CPLX1: variants seen among roughly 807,000 people sequenced by gnomAD.
CPLX1 encodes the protein complexin 1, also known as complexin-1.
Under a neutral mutation model 15.6 loss-of-function variants are expected in CPLX1, and 6 were observed. The ratio of observed to expected loss-of-function variants is 0.39; its 90% CI spans 0.21 to 0.76. CPLX1 has a LOEUF of 0.76. CPLX1 is among the 30% of genes least tolerant of loss of function. The pLI, the probability that CPLX1 is intolerant of heterozygous loss-of-function variation, is 0.43. For synonymous variants in CPLX1, 91 were observed against 75.2 expected (o/e 1.21, Z -1.08); for missense variants, 242 against 188.6 (o/e 1.28, Z -1.66).
At chr4:810,096 C>A (rs1325945249) in intron 2 of CPLX1, among the ~76,000 whole-genome samples, 1 of 144,072 alleles carries the variant, frequency 6.9e-6, no homozygotes. Context: ...GTTGCCCAGG[C>A]TGGAGTGCAG....
intron 2 of CPLX1, among the ~76,000 whole-genome samples, chr4:819,082 C>T (rs926260105): frequency 2.0e-5 from 3 of 152,250 alleles, no homozygotes; most frequent in African/African-American, 4.8e-5. Context: ...CAGCATTAAA[C>T]GCTCTGCGCT....
chr4:805,943 G>T (rs935218481), intron 2 of CPLX1, among the ~76,000 whole-genome samples: 1 of 152,210 alleles, frequency 6.6e-6, no homozygotes, highest in South Asian at 2.1e-4. Context: ...GGTGCGAGGG[G>T]CTGGGGGAAG....
At chr4:814,561 T>C (rs1011740184) in intron 2 of CPLX1, among the ~76,000 whole-genome samples, 1 of 152,198 alleles carries the variant, frequency 6.6e-6, no homozygotes, top group African/African-American at 2.4e-5. Context: ...AGATGGAGGA[T>C]GGCCCCCGCG....
intron 3 of CPLX1, chr4:787,272 G>A: frequency 7.1e-6 from 7 of 985,332 alleles, no homozygotes; most frequent in South Asian, 4.7e-5. Context: ...CCAGGCACTG[G>A]GTGTCCTGGA....
intron 2 of CPLX1, among the ~76,000 whole-genome samples, chr4:795,122 C>A (rs568837750): frequency 6.6e-6 from 1 of 152,242 alleles, no homozygotes; most frequent in Admixed American, 6.5e-5. Flanking sequence ...CAGATGCCGC[C>A]CACGCCCCCC....
chr4:792,194 C>T (rs1054409163), intron 3 of CPLX1, among the ~76,000 whole-genome samples: 6 of 152,230 alleles, frequency 3.9e-5, no homozygotes, highest in Non-Finnish European at 5.9e-5. Flanking sequence ...GAATGCGGGC[C>T]TAGGAAGCCC....
intron 2 of CPLX1, among the ~76,000 whole-genome samples, chr4:809,947 A>T (rs550100945): frequency 6.6e-6 from 1 of 152,032 alleles, no homozygotes; most frequent in Admixed American, 6.6e-5. Flanking sequence ...CTCCATGCTG[A>T]GCAGGACCCC....
intron 2 of CPLX1, among the ~76,000 whole-genome samples, chr4:796,612 C>T (rs1311974206): frequency 6.6e-6 from 1 of 152,126 alleles, no homozygotes; most frequent in East Asian, 1.9e-4. Flanking sequence ...TGGAAAAATG[C>T]TTTTTAACTT....
At chr4:792,723 A>G (rs1303071687) in intron 2 of CPLX1, 115 bp from the exon 3 acceptor site, 7 of 1,074,718 alleles carry the variant, frequency 6.5e-6, no homozygotes, top group Non-Finnish European at 9.0e-6. Context: ...CATCCACTCG[A>G]CCCTCTGGCT....
intron 2 of CPLX1, among the ~76,000 whole-genome samples, chr4:809,020 G>A (rs1459331130): frequency 1.3e-5 from 2 of 152,262 alleles, no homozygotes; most frequent in Non-Finnish European, 2.9e-5. Context: ...GTGCGCGGGC[G>A]GCAGGCCGGG....
At chr4:814,607 A>C (rs1358999138) in intron 2 of CPLX1, among the ~76,000 whole-genome samples, 1 of 152,212 alleles carries the variant, frequency 6.6e-6, no homozygotes, top group Admixed American at 6.5e-5. Context: ...TCTGTAGCAA[A>C]AATCTTCGAA....
At chr4:814,701 G>A (rs1273475581) in intron 2 of CPLX1, among the ~76,000 whole-genome samples, 1 of 152,246 alleles carries the variant, frequency 6.6e-6, no homozygotes, top group Non-Finnish European at 1.5e-5. Flanking sequence ...TTTTCCCCAG[G>A]AGTCCGGGAG....
chr4:786,464 G>C lies in CPLX1; in HGVS notation c.*37C>G, dbSNP rs748863580. ...CTCCGCGGAGGATCTGTAGGGGGAG[G>C]GGCGGGGGCTCCGCGGGGCCGCTGT... is the stretch of plus-strand genomic sequence containing the variant. On this transcript the variant is annotated 3_prime_UTR_variant, in exon 4 of 4. Transcript: ENST00000304062. 6 of 1,513,624 alleles carry C rather than the reference G, an allele frequency of 4.0e-6. No homozygotes were observed. Among genetic ancestry groups the C allele is most frequent in the Non-Finnish European group, 5.3e-6 (6 of 1,126,042 alleles). The allele number at this position is 1,513,624 out of a possible 1,614,324, so 93.8% of individuals were successfully genotyped here.
chr4:786,294 G>C lies in CPLX1; in HGVS notation c.*207C>G, dbSNP rs988465612. ...GGCGATGGGGCTCCAGCCACCCGCG[G>C]GCAGAGGAGCACGGGGCGGACTGGG... On this transcript the variant is annotated 3_prime_UTR_variant, in exon 4 of 4. Transcript: ENST00000304062. The C allele has an allele frequency of 4.6e-6, 2 of 430,866 alleles. No homozygotes were observed. The highest frequency in any genetic ancestry group is 4.1e-5 in the African/African-American group (2 of 48,330). 26.7% of individuals were successfully genotyped at this position (430,866 alleles called of 1,614,324 possible). A position where few individuals can be genotyped will look rare whatever the true frequency, so the allele number is the denominator to read the frequency against.
At chr4:815,927 T>C (rs1010040448) in intron 2 of CPLX1, among the ~76,000 whole-genome samples, 4 of 152,194 alleles carry the variant, frequency 2.6e-5, no homozygotes, top group African/African-American at 9.7e-5. Context: ...TGACTTTCTG[T>C]CTAAATGTCT....
chr4:798,617 G>A (rs555045340), intron 2 of CPLX1, among the ~76,000 whole-genome samples: 6 of 152,132 alleles, frequency 3.9e-5, no homozygotes, highest in Non-Finnish European at 8.8e-5. Flanking sequence ...GGTTGGTCTC[G>A]AACTCCTGGG....
At chr4:795,732 G>C (rs761936063) in intron 2 of CPLX1, among the ~76,000 whole-genome samples, 48 of 152,162 alleles carry the variant, frequency 3.2e-4, no homozygotes, top group Non-Finnish European at 6.2e-4. Context: ...AAACCCTCTG[G>C]GGAGGGAGTT....
At chr4:824,911 G>A (rs1746947774) in intron 1 of CPLX1, 1 of 406,938 alleles carries the variant, frequency 2.5e-6, no homozygotes, top group African/African-American at 2.1e-5. Flanking sequence ...GGCCCAGGGG[G>A]CGTTTGAAGG....
intron 2 of CPLX1, among the ~76,000 whole-genome samples, chr4:813,264 CA>C (rs397881229): frequency 0.38 from 35,814 of 93,078 alleles, 3,958 homozygotes; most frequent in East Asian, 0.5. Context: ...GACTCTGTCT[CA>C]AAAAAAAAAA....
Sources: gnomAD v4.1 joint callset for allele counts (sites outside exome capture counted in the v4.1 genomes callset) on GRCh38, gnomAD v4.1.1 for gene constraint, MANE v1.5 for transcripts, NCBI Gene and HGNC (gene_info 2026-07-23, HGNC 2026-07-21) for gene names.